Variants in TIAM1 observed in about 807,000 individuals in gnomAD.
TIAM1 encodes rho guanine nucleotide exchange factor TIAM1.
In TIAM1, 65 loss-of-function variants were observed where a neutral mutation model predicts 163.5. That is an observed-to-expected ratio of 0.40 (90% CI 0.33 to 0.49). TIAM1 has a LOEUF of 0.49. Among genes scored for constraint, TIAM1 ranks in the 20% least tolerant of loss-of-function variants. TIAM1 has a pLI of 0.77. For missense variants in TIAM1, 1,789 were observed against 2,044.7 expected (o/e 0.87, Z 2.41); for synonymous variants, 833 against 810.1 (o/e 1.03, Z -0.48).
chr21:31,183,403 G>A (rs1287956083), intron 14 of TIAM1, among the ~76,000 whole-genome samples: 1 of 152,150 alleles, frequency 6.6e-6, no homozygotes, highest in Admixed American at 6.5e-5. Context: ...AGCAGCCTGA[G>A]AAATGGAGAG....
chr21:31,258,213 T>C (rs1212342727), intron 4 of TIAM1, among the ~76,000 whole-genome samples: 1 of 152,124 alleles, frequency 6.6e-6, no homozygotes, highest in Non-Finnish European at 1.5e-5. Context: ...TGTTGACGCA[T>C]CCCAAGTGCC....
chr21:31,310,515 T>C (rs766967445), intron 2 of TIAM1, among the ~76,000 whole-genome samples: 1 of 152,170 alleles, frequency 6.6e-6, no homozygotes, highest in Non-Finnish European at 1.5e-5. Context: ...TCTGTGAGAA[T>C]CTTCTAGGTA....
intron 2 of TIAM1, among the ~76,000 whole-genome samples, chr21:31,372,954 G>C (rs2076621825): frequency 6.6e-6 from 1 of 151,714 alleles, no homozygotes; most frequent in African/African-American, 2.4e-5. Context: ...ACTCGGGAGG[G>C]TGAGGCAGGA....
rs529762752 is a variant in TIAM1, at chr21:31,288,000, G to A, written c.-188-11092C>T. 5.9e-5 allele frequency among the ~76,000 whole-genome samples: 9 copies of A among 152,204 alleles called. No individual in the cohort carries two copies. The South Asian group carries it at 1.9e-3, about 32-fold the overall frequency. ...GACTCGGTGGCCACATACATCCTTT[G>A]AGGAAAGAAGGAGGAAGAACAAGGA... is the stretch of plus-strand genomic sequence containing the variant. On this transcript the variant is annotated intron_variant, in intron 2 of 27. Transcript: ENST00000541036.
rs925452006 is a variant in TIAM1 at position 31,125,242 on chromosome 21, C to T, written c.4134-548G>A. 1.6e-4 allele frequency among the ~76,000 whole-genome samples: 24 copies of T among 150,202 alleles called. No individual in the cohort carries two copies. In the East Asian group the frequency reaches 4.7e-3, roughly 29 times the overall value. ...TGGTTAAAAAAAAAAAAAAAAAGTG[C>T]TTCCTAGGAAGAGTTATTTTTCTTA... is the stretch of plus-strand genomic sequence containing the variant. On this transcript the variant is annotated intron_variant, in intron 26 of 27. Transcript: ENST00000541036.
chr21:31,271,241 GA>G (rs3216553), intron 3 of TIAM1, among the ~76,000 whole-genome samples: 12,792 of 139,202 alleles, frequency 0.092, 1,301 homozygotes, highest in African/African-American at 0.26. Flanking sequence ...AAACCCAAAA[GA>G]AAAAAAAAAA....
intron 1 of TIAM1, among the ~76,000 whole-genome samples, chr21:31,546,640 T>C (rs1164721380): frequency 6.6e-6 from 1 of 151,962 alleles, no homozygotes; most frequent in African/African-American, 2.4e-5. Flanking sequence ...AATCAAAGGC[T>C]ATTAACCATT....
chr21:31,215,479 T>G (rs1760520549), intron 9 of TIAM1, among the ~76,000 whole-genome samples: 4 of 148,326 alleles, frequency 2.7e-5, no homozygotes, highest in Non-Finnish European at 5.9e-5. Context: ...GAGAATCACT[T>G]GAACCCAGGA....
intron 1 of TIAM1, among the ~76,000 whole-genome samples, chr21:31,508,472 T>C (rs1382154335): frequency 2.0e-5 from 3 of 146,608 alleles, no homozygotes; most frequent in African/African-American, 7.5e-5. Context: ...CACTGCAACC[T>C]CCGCCTCCCG....
chr21:31,385,312 A>G (rs549374896), intron 2 of TIAM1, among the ~76,000 whole-genome samples: 1 of 152,300 alleles, frequency 6.6e-6, no homozygotes, highest in South Asian at 2.1e-4. Flanking sequence ...TTATAGATAG[A>G]TAGATATAGA....
intron 1 of TIAM1, among the ~76,000 whole-genome samples, chr21:31,551,882 C>T (rs1334559087): frequency 6.6e-6 from 1 of 152,032 alleles, no homozygotes; most frequent in Non-Finnish European, 1.5e-5. Context: ...AAGATAATCA[C>T]TAGAAGCACT....
In TIAM1 at chr21:31,280,912, C is replaced by T. The variant is rs1321484759; in HGVS notation, c.-188-4004G>A. Among the ~76,000 whole-genome samples the T allele has an allele frequency of 2.0e-5, 3 of 151,214 alleles. No individual in the cohort carries two copies. The South Asian group carries it at 6.3e-4, about 32-fold the overall frequency. ...GGAGGATGGCTTGAGGACAGGAGTT[C>T]AAGACCAGCCTGGGCAAAACAGTGA... On this transcript the variant is annotated intron_variant, in intron 2 of 27. Transcript: ENST00000541036.
intron 1 of TIAM1, among the ~76,000 whole-genome samples, chr21:31,464,353 T>C (rs1160239098): frequency 6.6e-6 from 1 of 152,188 alleles, no homozygotes; most frequent in Admixed American, 6.5e-5. Flanking sequence ...CTCAGAATCC[T>C]GTTCAAGGAC....
chr21:31,400,419 C>T (rs952116897), intron 2 of TIAM1, among the ~76,000 whole-genome samples: 9 of 152,090 alleles, frequency 5.9e-5, no homozygotes, highest in Admixed American at 1.3e-4. Context: ...CATGAGCCAC[C>T]GCACCCGGCC....
At chr21:31,356,721 A>T (rs2076322292) in intron 2 of TIAM1, among the ~76,000 whole-genome samples, 1 of 152,212 alleles carries the variant, frequency 6.6e-6, no homozygotes, top group African/African-American at 2.4e-5. Flanking sequence ...GTTGTTTATA[A>T]ATTATCCAGT....
Position 31,141,661 on chromosome 21 carries a change from AG to A in TIAM1, c.3476-158del, listed in dbSNP as rs1262554019. ...GGGACAGGTAGGGGAGGGGGCAGTC[AG>A]GGAGACCACAGGCAGTCAGATCTAT... On this transcript the variant is annotated intron_variant, in intron 20 of 27. Coordinates refer to ENST00000541036, the MANE Select transcript of TIAM1 (RefSeq NM_001353694.2). The surrounding 1 kb of genome is among the most constrained non-coding windows in gnomAD (Gnocchi z 4.7). Among the ~76,000 whole-genome samples the A allele has an allele frequency of 6.6e-6, 1 of 151,952 alleles. No homozygotes were observed. Among genetic ancestry groups the A allele is most frequent in the Non-Finnish European group, 1.5e-5 (1 of 67,986 alleles).
intron 2 of TIAM1, among the ~76,000 whole-genome samples, chr21:31,336,816 A>G (rs1014636606): frequency 6.6e-6 from 1 of 152,152 alleles, no homozygotes; most frequent in African/African-American, 2.4e-5. Flanking sequence ...GAGAGGTAAA[A>G]TCTGAATCGG....
chr21:31,270,573 C>T (rs142911743), intron 3 of TIAM1, among the ~76,000 whole-genome samples: 1,570 of 152,316 alleles, frequency 0.01, 14 homozygotes, highest in Non-Finnish European at 0.017. Context: ...ATATTCAAAC[C>T]TCAAGTCTGG....
chr21:31,315,679 CAAAAAAAA>C lies in TIAM1; in HGVS notation c.-189+23556_-189+23563del, dbSNP rs58560437. On this transcript the variant is annotated intron_variant, in intron 2 of 27. Transcript: ENST00000541036. ...GGGCAACAAGAGCAAAACTCCATCT[CAAAAAAAA>C]AAAAAAAAAAAAGGACAGGCGCAGT... Among the ~76,000 whole-genome samples the C allele has an allele frequency of 7.5e-3, 599 of 80,252 alleles. 12 individuals carry two copies. The highest frequency in any genetic ancestry group is 0.025 in the African/African-American group (555 of 22,368). 52.6% of individuals were successfully genotyped at this position (80,252 alleles called of 152,430 possible). A position where few individuals can be genotyped will look rare whatever the true frequency, so the allele number is the denominator to read the frequency against.
Sources: allele counts gnomAD v4.1 joint callset (sites outside exome capture counted in the v4.1 genomes callset), GRCh38; gene constraint gnomAD v4.1.1; non-coding constraint Gnocchi (gnomAD v3.1); transcripts MANE v1.5; gene names NCBI Gene and HGNC (gene_info 2026-07-23, HGNC 2026-07-21).